TUBGCP6: variants seen among roughly 807,000 people sequenced by gnomAD.
The protein encoded by TUBGCP6 is tubulin gamma complex component 6, also known as gamma-tubulin complex component 6.
TUBGCP6 carries 161 observed loss-of-function variants against 175.8 expected under a neutral mutation model. That is an observed-to-expected ratio of 0.92 (90% confidence interval 0.81 to 1.04). The LOEUF (loss-of-function observed/expected upper bound fraction) is 1.04, where lower values mean the gene tolerates loss of function less well. TUBGCP6 is among the 50% of genes least tolerant of loss of function. The pLI is 0.00. For missense variants in TUBGCP6, 2,572 were observed against 2,433.0 expected, an observed-to-expected ratio of 1.06 and a Z score of -1.20; for synonymous variants, 1,173 against 1,030.5, an observed-to-expected ratio of 1.14 and a Z score of -2.65.
In TUBGCP6 at chr22:50,220,480, G is replaced by A; in HGVS notation, c.3879C>T (p.Pro1293=). ...ACGTGTGGCCAGGGGGGCTCTGTTGGGGCCTGGGTGTGTTGGGCTCAGCTT... is the reference window on the plus strand; with the variant it reads ...ACGTGTGGCCAGGGGGGCTCTGTTGAGGCCTGGGTGTGTTGGGCTCAGCTT... The part of the protein sequence containing the change: ...SPEAEPNTPR[P]QQSPPGHTSQ... Residue 1293 remains proline (P), a synonymous_variant, in exon 16 of 25, where the codon CCC becomes CCT. Coordinates refer to ENST00000248846, the MANE Select transcript of TUBGCP6 (RefSeq NM_020461.4). 1 of 1,613,276 alleles carries A rather than the reference G, an allele frequency of 6.2e-7. No homozygotes were observed. Among genetic ancestry groups the A allele is most frequent in the Non-Finnish European group, 8.5e-7 (1 of 1,179,978 alleles).
In TUBGCP6 at chr22:50,221,214, G is replaced by A. The variant is rs774678517; in HGVS notation, c.3145C>T (p.Arg1049Trp). 59 of 1,614,032 alleles carry A rather than the reference G, an allele frequency of 3.7e-5. No homozygotes were observed. The highest frequency in any genetic ancestry group is 3.6e-4 in the East Asian group (16 of 44,906). ...YASEIAPTRP[R>W]WNTHGHVSDA... ...GACACGTGCCCGTGGGTGTTCCACCGTGGCCGGGTGGGAGCTATTTCAGAA... is the reference window on the plus strand; with the variant it reads ...GACACGTGCCCGTGGGTGTTCCACCATGGCCGGGTGGGAGCTATTTCAGAA... Residue 1049 changes from arginine (R) to tryptophan (W), a missense_variant, in exon 16 of 25, where the codon CGG (arginine) becomes TGG (tryptophan). Coordinates refer to ENST00000248846, the MANE Select transcript of TUBGCP6 (RefSeq NM_020461.4).
intron 7 of TUBGCP6, 30 bp downstream of exon 7, chr22:50,226,703 C>T: frequency 6.5e-7 from 1 of 1,540,186 alleles, no homozygotes; most frequent in African/African-American, 1.4e-5. Flanking sequence ...GGAGTGCGCG[C>T]CCGCCGCGCC....
chr22:50,241,194 A>G (rs2064834533), intron 1 of TUBGCP6, among the ~76,000 whole-genome samples: 1 of 152,224 alleles, frequency 6.6e-6, no homozygotes, highest in African/African-American at 2.4e-5. Flanking sequence ...AAACCAGGCC[A>G]TACAGAGACA....
intron 3 of TUBGCP6, among the ~76,000 whole-genome samples, chr22:50,232,542 G>A (rs1054354445): frequency 1.5e-4 from 23 of 151,774 alleles, no homozygotes; most frequent in African/African-American, 5.3e-4. Context: ...CTGGGCAAGA[G>A]AGAGACCCTG....
intron 5 of TUBGCP6, 142 bp from the exon 6 acceptor site, chr22:50,227,219 C>T: frequency 1.4e-6 from 1 of 736,002 alleles, no homozygotes; most frequent in Non-Finnish European, 2.2e-6. Flanking sequence ...CCACAGGCAC[C>T]CCAACCACCC....
intron 2 of TUBGCP6, among the ~76,000 whole-genome samples, chr22:50,239,466 C>T (rs529943279): frequency 2.0e-5 from 3 of 152,318 alleles, no homozygotes; most frequent in African/African-American, 4.8e-5. Flanking sequence ...TGTGAGCCAC[C>T]GCGCCCAGGC....
chr22:50,241,980 T>C (rs1435622576), intron 1 of TUBGCP6, among the ~76,000 whole-genome samples: 4 of 57,644 alleles, frequency 6.9e-5, no homozygotes, highest in African/African-American at 2.5e-4. Flanking sequence ...CAAGACTCCA[T>C]CTCAAAAAAA....
chr22:50,226,024 T>C (rs1345711896), intron 9 of TUBGCP6, 26 bp downstream of exon 9: 3 of 1,613,758 alleles, frequency 1.9e-6, no homozygotes, highest in East Asian at 4.5e-5. Flanking sequence ...GGCCCCTCTC[T>C]TCCCCACACA....
At position 50,221,085 on chromosome 22, in the gene TUBGCP6, C is replaced by A; in HGVS notation, c.3274G>T (p.Glu1092Ter). Residue 1092 changes from glutamate to a stop codon, truncating the protein, a stop_gained, in exon 16 of 25, where the codon GAG becomes TAG. Coordinates refer to ENST00000248846, the MANE Select transcript of TUBGCP6 (RefSeq NM_020461.4). LOFTEE classifies it high-confidence loss of function. ...HVSNASISLG[E>*]SVSDVAPTRP... ...GTGGGAGCCACATCTGACACAGACT[C>A]CCCTAAGCTGATGCTGGCATTGGAT... The A allele has an allele frequency of 6.2e-7, 1 of 1,613,342 alleles. No individual in the cohort carries two copies. Among genetic ancestry groups the A allele is most frequent in the Non-Finnish European group, 8.5e-7 (1 of 1,179,844 alleles).
intron 4 of TUBGCP6, among the ~76,000 whole-genome samples, chr22:50,228,728 C>T (rs1009583247): frequency 1.3e-5 from 2 of 152,092 alleles, no homozygotes; most frequent in African/African-American, 4.8e-5. Flanking sequence ...CCCACCATGC[C>T]CACCTCCACA....
chr22:50,243,533 G>C (rs571023546), intron 1 of TUBGCP6, among the ~76,000 whole-genome samples, 186 bp downstream of exon 1: 1 of 146,928 alleles, frequency 6.8e-6, no homozygotes, highest in South Asian at 2.2e-4. Flanking sequence ...TACGAGAATT[G>C]CTTGAGCCCA....
rs997217584 is a variant in TUBGCP6 at position 50,218,953 on chromosome 22, G to A, written c.4627-56C>T. On this transcript the variant is annotated intron_variant, in intron 20 of 24. Coordinates refer to ENST00000248846, the MANE Select transcript of TUBGCP6 (RefSeq NM_020461.4). ...AGTCCCAAGCACATGCCTGGCACTCGCCGGCACCCCATGGGGCTGTGCCAG... is the reference window on the plus strand; with the variant it reads ...AGTCCCAAGCACATGCCTGGCACTCACCGGCACCCCATGGGGCTGTGCCAG... 2.8e-5 allele frequency: 44 copies of A among 1,584,826 alleles called. 2 individuals are homozygous for A. The South Asian group carries it at 3.1e-4, about 11-fold the overall frequency.
chr22:50,244,032 AC>A lies in TUBGCP6; in HGVS notation c.427del (p.Val143PhefsTer11). On this transcript the variant is annotated frameshift_variant, in exon 1 of 25. Transcript: ENST00000248846. LOFTEE classifies it high-confidence loss of function. ...GTCGCAATCATAGCCGCTGTACGGA[AC>A]GTTTCTCCCCACATGCTTGTTGTTA... ...FLNNKHVGRNVPYSGYDCDDL... is the reference protein window; with the variant it reads ...FLNNKHVGRNXPYSGYDCDDL... The A allele has an allele frequency of 6.2e-7, 1 of 1,614,134 alleles. No homozygotes were observed. The highest frequency in any genetic ancestry group is 8.5e-7 in the Non-Finnish European group (1 of 1,180,038).
intron 1 of TUBGCP6, among the ~76,000 whole-genome samples, chr22:50,243,407 C>G (rs1037329201): frequency 8.0e-5 from 12 of 150,806 alleles, no homozygotes; most frequent in Non-Finnish European, 1.6e-4. Flanking sequence ...GAGCCGAGAT[C>G]GCGCCACGGC....
chr22:50,237,013 C>A (rs1026073283), intron 2 of TUBGCP6, among the ~76,000 whole-genome samples: 8 of 152,142 alleles, frequency 5.3e-5, no homozygotes, highest in Admixed American at 1.3e-4. Flanking sequence ...GGAGTGAACA[C>A]CCCCCGCCCC....
rs761571826 is a variant in TUBGCP6, at chr22:50,228,031, G to A, written c.1291-3C>T. ...CTCCTCAGGCCACTGGTGAAGGCCT[G>A]TGGGCAAAGAGGCTGGGAGGAGGGC... On this transcript the variant is annotated splice_region_variant and splice_polypyrimidine_tract_variant and intron_variant, in intron 4 of 24. Coordinates refer to ENST00000248846, the MANE Select transcript of TUBGCP6 (RefSeq NM_020461.4). 9 of 1,544,724 alleles carry A rather than the reference G, an allele frequency of 5.8e-6. No individual in the cohort carries two copies. The highest frequency in any genetic ancestry group is 7.0e-6 in the Non-Finnish European group (8 of 1,143,266).
intron 2 of TUBGCP6, among the ~76,000 whole-genome samples, chr22:50,239,745 G>T (rs1036802945): frequency 3.9e-5 from 6 of 152,174 alleles, no homozygotes; most frequent in African/African-American, 1.4e-4. Context: ...CTCTAGACAT[G>T]AATGGAAAAG....
At position 50,221,844 on chromosome 22, in the gene TUBGCP6, C is replaced by G. The variant is rs149193305; in HGVS notation, c.2515G>C (p.Gly839Arg). 2.6e-6 allele frequency: 4 copies of G among 1,512,724 alleles called. No homozygotes were observed. The African/African-American group carries it at 4.2e-5, about 16-fold the overall frequency. 93.7% of individuals were successfully genotyped at this position (1,512,724 alleles called of 1,614,324 possible). ...GACCCAGAATCACAGCCTTGGCCTC[C>G]CTCTGGGTGCTCAGGGCCCGGAGAC... Reference protein sequence around the residue: ...VTSPGPEHPEGGQGCDSGSAE... With the variant: ...VTSPGPEHPERGQGCDSGSAE... Residue 839 changes from glycine to arginine, a missense_variant, in exon 16 of 25, where the codon GGA (glycine) becomes CGA (arginine). Coordinates refer to ENST00000248846, the MANE Select transcript of TUBGCP6 (RefSeq NM_020461.4).
chr22:50,221,340 G>A lies in TUBGCP6; in HGVS notation c.3019C>T (p.His1007Tyr), dbSNP rs80121348. Residue 1007 changes from histidine (H) to tyrosine (Y), a missense_variant, in exon 16 of 25, where the codon CAC (histidine) becomes TAC (tyrosine). Physicochemically the swap from His to Tyr is moderately conservative, Grantham distance 83. Transcript: ENST00000248846. ...TCCAGAGCAGCACGCCTGGGTGGGTGTGAGGGGAGCAGAGTCTCCCGCGAG... is the reference window on the plus strand; with the variant it reads ...TCCAGAGCAGCACGCCTGGGTGGGTATGAGGGGAGCAGAGTCTCCCGCGAG... ...SASRETLLPSHPPRRAALEEG... is the reference protein window; with the variant it reads ...SASRETLLPSYPPRRAALEEG... The A allele has an allele frequency of 6.2e-7, 1 of 1,612,896 alleles. No individual in the cohort carries two copies. The highest frequency in any genetic ancestry group is 8.5e-7 in the Non-Finnish European group (1 of 1,179,902).
Sources: gnomAD v4.1 joint callset for allele counts (sites outside exome capture counted in the v4.1 genomes callset) on GRCh38, gnomAD v4.1.1 for gene constraint, MANE v1.5 for transcripts, NCBI Gene and HGNC (gene_info 2026-07-23, HGNC 2026-07-21) for gene names.